NECAB1: variants seen among roughly 807,000 people sequenced by gnomAD.
NECAB1 encodes the protein N-terminal EF-hand calcium-binding protein 1.
In NECAB1, 29 loss-of-function variants were observed where a neutral mutation model predicts 57.5. That is an observed-to-expected ratio of 0.50 (90% CI 0.38 to 0.69). NECAB1 has a LOEUF of 0.69. Ranked by LOEUF, NECAB1 falls within the 30% of genes least tolerant of loss-of-function variation. The probability of loss-of-function intolerance (pLI) is 0.00; values close to 1 mark genes in which losing one functional copy is unlikely to be tolerated. For synonymous variants in NECAB1, 142 were observed against 147.7 expected (o/e 0.96, Z 0.28); for missense variants, 372 against 413.8 (o/e 0.90, Z 0.88).
chr8:90,956,192 A>G lies in NECAB1; in HGVS notation c.*680A>G, dbSNP rs763601603. ...CAGCAACATTGTGTCATTTATTAGC[A>G]TCATAATTCTTTGTTATGTAAGTTA... On this transcript the variant is annotated 3_prime_UTR_variant, in exon 13 of 13. Transcript: ENST00000417640. 3.3e-5 allele frequency: 5 copies of G among 152,064 alleles called. No homozygotes were observed. Among genetic ancestry groups the G allele is most frequent in the African/African-American group, 4.8e-5 (2 of 41,448 alleles). The allele number at this position is 152,064 out of a possible 1,614,324, so 9.4% of individuals were successfully genotyped here. A position where few individuals can be genotyped will look rare whatever the true frequency, so the allele number is the denominator to read the frequency against.
At chr8:90,793,148 A>T (rs918925050) in intron 1 of NECAB1, among the ~76,000 whole-genome samples, 7 of 152,214 alleles carry the variant, frequency 4.6e-5, no homozygotes, top group Non-Finnish European at 1.0e-4. Context: ...ATCAATTAGT[A>T]TCATAATGGT....
chr8:90,949,904 G>T lies in NECAB1; in HGVS notation c.938+20G>T. 1 of 1,478,854 alleles carries T rather than the reference G, an allele frequency of 6.8e-7. No individual in the cohort carries two copies. The highest frequency in any genetic ancestry group is 2.3e-5 in the East Asian group (1 of 43,434). The allele number at this position is 1,478,854 out of a possible 1,614,324, so 91.6% of individuals were successfully genotyped here. A position where few individuals can be genotyped will look rare whatever the true frequency, so the allele number is the denominator to read the frequency against. On this transcript the variant is annotated intron_variant, in intron 11 of 12. Coordinates refer to ENST00000417640, the MANE Select transcript of NECAB1 (RefSeq NM_022351.5). ...GAATAGGTAAGTTGTGAGCAAGCCT[G>T]ATTTTATGTGAAGCCAGGAAGGTGG...
At chr8:90,899,783 C>A (rs754091226) in intron 5 of NECAB1, among the ~76,000 whole-genome samples, 34 of 152,124 alleles carry the variant, frequency 2.2e-4, no homozygotes, top group Admixed American at 7.2e-4. Context: ...ATAAGAAACT[C>A]ATAATTCAGG....
At chr8:90,949,976 C>T in intron 11 of NECAB1, 92 bp downstream of exon 11, 2 of 728,070 alleles carry the variant, frequency 2.7e-6, no homozygotes, top group Non-Finnish European at 4.6e-6. Flanking sequence ...GTTCCATTCT[C>T]TTTTACCTTA....
In NECAB1 at chr8:90,917,528, A is replaced by G; in HGVS notation, c.394A>G (p.Thr132Ala). The G allele has an allele frequency of 6.2e-7, 1 of 1,612,186 alleles. No homozygotes were observed. Among genetic ancestry groups the G allele is most frequent in the Non-Finnish European group, 8.5e-7 (1 of 1,178,822 alleles). Reference sequence around the variant, plus strand: ...AGCCTCCAATTTGGAACAATTCGTAACTAGATTTTTATTGAAGGAAACCCT... The same window carrying G: ...AGCCTCCAATTTGGAACAATTCGTAGCTAGATTTTTATTGAAGGAAACCCT... ...QEASNLEQFV[T>A]RFLLKETLNQ... The change falls in exon 6 of 13, where the codon ACT becomes GCT. Residue 132 changes from threonine (T) to alanine (A), a missense_variant. Thr to Ala is a moderately conservative substitution (Grantham distance 58). Coordinates refer to ENST00000417640, the MANE Select transcript of NECAB1 (RefSeq NM_022351.5).
intron 5 of NECAB1, among the ~76,000 whole-genome samples, chr8:90,883,040 CTTCT>C (rs1369262145): frequency 6.6e-6 from 1 of 152,100 alleles, no homozygotes; most frequent in East Asian, 1.9e-4. Context: ...GTTATATAAT[CTTCT>C]TTATTTCCTC....
rs557774118 is a variant in NECAB1, at chr8:90,852,154, T to G, written c.234-19974T>G. On this transcript the variant is annotated intron_variant, in intron 3 of 12. Transcript: ENST00000417640. ...ATGCTCACTCATTGGGATAAATACC[T>G]GATTTCACATTATATGAATGTCCAT... Among the ~76,000 whole-genome samples the G allele has an allele frequency of 9.8e-5, 15 of 152,332 alleles. No homozygotes were observed. The South Asian group carries it at 3.1e-3, about 32-fold the overall frequency.
chr8:90,915,270 C>G (rs1809923730), intron 5 of NECAB1, among the ~76,000 whole-genome samples: 1 of 152,094 alleles, frequency 6.6e-6, no homozygotes, highest in Non-Finnish European at 1.5e-5. Flanking sequence ...GGAAAAGACT[C>G]AAACACACCT....
At chr8:90,927,660 A>G (rs1477369122) in intron 7 of NECAB1, among the ~76,000 whole-genome samples, 2 of 151,404 alleles carry the variant, frequency 1.3e-5, no homozygotes, top group Admixed American at 1.3e-4. Flanking sequence ...CTACAAATAC[A>G]TATGTATGTA....
At position 90,906,891 on chromosome 8, in the gene NECAB1, A is replaced by ATATATATATATATATGTATGTATG. The variant is rs71266150; in HGVS notation, c.358-10586_358-10585insGTATGTATGTATATATATATATAT. On this transcript the variant is annotated intron_variant, in intron 5 of 12. Transcript: ENST00000417640. ...ATGATATACACATATATATATATAT[A>ATATATATATATATATGTATGTATG]TATATATATATATATATATCTTCTC... 3.5e-3 allele frequency among the ~76,000 whole-genome samples: 397 copies of ATATATATATATATATGTATGTATG among 113,388 alleles called. 1 individual carries two copies. Among genetic ancestry groups the ATATATATATATATATGTATGTATG allele is most frequent in the East Asian group, 7.5e-3 (33 of 4,402 alleles). The allele number at this position is 113,388 out of a possible 152,430, so 74.4% of individuals were successfully genotyped here. A position where few individuals can be genotyped will look rare whatever the true frequency, so the allele number is the denominator to read the frequency against.
intron 5 of NECAB1, among the ~76,000 whole-genome samples, chr8:90,902,816 A>G (rs931477489): frequency 2.0e-5 from 3 of 152,070 alleles, no homozygotes; most frequent in Non-Finnish European, 4.4e-5. Flanking sequence ...GTGAGAAAAT[A>G]TGTCTCACAT....
In NECAB1 at chr8:90,870,086, TC is replaced by T. The variant is rs1332200238; in HGVS notation, c.234-2040del. 2.0e-5 allele frequency among the ~76,000 whole-genome samples: 3 copies of T among 152,172 alleles called. No homozygotes were observed. The East Asian group carries it at 5.8e-4, about 29-fold the overall frequency. On this transcript the variant is annotated intron_variant, in intron 3 of 12. Coordinates refer to ENST00000417640, the MANE Select transcript of NECAB1 (RefSeq NM_022351.5). ...TCCCTCTTCACTCTCTCTCTCTTCC[TC>T]CTGCTCCCACCATGTAAGAGGTGTT...
At chr8:90,861,957 G>A (rs1265319994) in intron 3 of NECAB1, among the ~76,000 whole-genome samples, 1 of 152,146 alleles carries the variant, frequency 6.6e-6, no homozygotes, top group Non-Finnish European at 1.5e-5. Flanking sequence ...AGGATGTATT[G>A]GAGAGGGAAT....
intron 5 of NECAB1, among the ~76,000 whole-genome samples, chr8:90,909,062 C>T (rs981751465): frequency 5.3e-5 from 8 of 152,126 alleles, no homozygotes; most frequent in Non-Finnish European, 1.2e-4. Context: ...CAAGTAAGCA[C>T]GTTCTTCTGA....
chr8:90,801,706 G>C lies in NECAB1; in HGVS notation c.115G>C (p.Asp39His). ...TCCTTTCCAGATACTGAGGAGAGCA[G>C]ACAAAAATGGTAAGACCAAAAATCT... Reference protein sequence around the residue: ...SIFLDILRRADKNDDGKLSFE... With the variant: ...SIFLDILRRAHKNDDGKLSFE... The change falls in exon 2 of 13, where the codon GAC (aspartate) becomes CAC (histidine). Residue 39 changes from aspartate to histidine, a missense_variant. Asp to His is a moderately conservative substitution (Grantham distance 81). Transcript: ENST00000417640. 1 of 1,525,318 alleles carries C rather than the reference G, an allele frequency of 6.6e-7. No individual in the cohort carries two copies. Among genetic ancestry groups the C allele is most frequent in the Non-Finnish European group, 8.8e-7 (1 of 1,131,506 alleles). 94.5% of individuals were successfully genotyped at this position (1,525,318 alleles called of 1,614,324 possible). A position where few individuals can be genotyped will look rare whatever the true frequency, so the allele number is the denominator to read the frequency against.
chr8:90,805,879 C>T (rs1457148622), intron 2 of NECAB1, among the ~76,000 whole-genome samples: 2 of 152,044 alleles, frequency 1.3e-5, no homozygotes, highest in Non-Finnish European at 2.9e-5. Context: ...TACATTAGAG[C>T]CCCAGAACTT....
chr8:90,921,685 CA>C (rs1305311584), intron 6 of NECAB1, among the ~76,000 whole-genome samples: 1 of 150,352 alleles, frequency 6.7e-6, no homozygotes, highest in East Asian at 1.9e-4. Flanking sequence ...AAAAAAAAAA[CA>C]AAAAAACAAG....
chr8:90,819,752 T>C (rs1328124058), intron 2 of NECAB1, among the ~76,000 whole-genome samples: 1 of 151,902 alleles, frequency 6.6e-6, no homozygotes, highest in African/African-American at 2.4e-5. Context: ...TCCATGCTCT[T>C]AGTTGAGGAA....
chr8:90,842,103 T>C (rs1297447914), intron 3 of NECAB1, among the ~76,000 whole-genome samples: 1 of 152,010 alleles, frequency 6.6e-6, no homozygotes, highest in Non-Finnish European at 1.5e-5. Context: ...AATGCCTGGG[T>C]GATGGGATAA....
Sources: gnomAD v4.1 joint callset for allele counts (sites outside exome capture counted in the v4.1 genomes callset) on GRCh38, gnomAD v4.1.1 for gene constraint, MANE v1.5 for transcripts, NCBI Gene and HGNC (gene_info 2026-07-23, HGNC 2026-07-21) for gene names.